The following ANO4 variants were observed in gnomAD, a reference collection of about 807,000 sequenced individuals.
ANO4 encodes anoctamin 4.
In ANO4, 69 loss-of-function variants were observed where a neutral mutation model predicts 141.9. The ratio of observed to expected loss-of-function variants is 0.49; its 90% CI spans 0.40 to 0.59. ANO4 has a LOEUF of 0.59. Among genes scored for constraint, ANO4 ranks in the 20% least tolerant of loss-of-function variants. ANO4 has a pLI of 0.00. For synonymous variants in ANO4, 350 were observed against 394.3 expected (o/e 0.89, Z 1.33); for missense variants, 894 against 1,162.2 (o/e 0.77, Z 3.36).
At chr12:100,946,960 T>C (rs2042751782) in intron 5 of ANO4, among the ~76,000 whole-genome samples, 1 of 152,144 alleles carries the variant, frequency 6.6e-6, no homozygotes, top group Non-Finnish European at 1.5e-5. Context: ...AAGTTAATTA[T>C]TGGATTTAGC....
chr12:101,024,298 A>G (rs971216462), intron 9 of ANO4, among the ~76,000 whole-genome samples: 1 of 152,226 alleles, frequency 6.6e-6, no homozygotes, highest in Non-Finnish European at 1.5e-5. Context: ...ATAAACTTAT[A>G]AAAGTTATCA....
intron 3 of ANO4, among the ~76,000 whole-genome samples, chr12:100,752,710 C>G (rs1219806727): frequency 6.6e-6 from 1 of 152,176 alleles, no homozygotes; most frequent in Non-Finnish European, 1.5e-5. Context: ...GGCAATGAGA[C>G]TGTCTCCCAG....
intron 8 of ANO4, among the ~76,000 whole-genome samples, chr12:101,000,135 A>G: frequency 6.6e-6 from 1 of 152,140 alleles, no homozygotes; most frequent in Middle Eastern, 3.4e-3. Flanking sequence ...CATTATCATT[A>G]TTACCACAAA....
At chr12:100,989,797 GGATA>G (rs1386230934) in intron 8 of ANO4, among the ~76,000 whole-genome samples, 8 of 124,462 alleles carry the variant, frequency 6.4e-5, no homozygotes, top group Non-Finnish European at 1.0e-4. Flanking sequence ...ATGGATGGAT[GGATA>G]GATGGATGGA....
chr12:100,967,871 A>C (rs951127065), intron 5 of ANO4, among the ~76,000 whole-genome samples: 2 of 152,226 alleles, frequency 1.3e-5, no homozygotes, highest in African/African-American at 2.4e-5. Flanking sequence ...GGATTTATTT[A>C]AACTTCAGAA....
intron 5 of ANO4, 120 bp downstream of exon 5, chr12:100,942,655 A>C (rs1411021860): frequency 9.1e-7 from 1 of 1,097,204 alleles, no homozygotes; most frequent in Non-Finnish European, 1.3e-6. Flanking sequence ...AGAGTTTTCC[A>C]GTCTTCAGAG....
At chr12:100,879,873 GA>G (rs1190956616) in intron 1 of ANO4, among the ~76,000 whole-genome samples, 2 of 152,180 alleles carry the variant, frequency 1.3e-5, no homozygotes, top group African/African-American at 4.8e-5. Flanking sequence ...GGTTATAATA[GA>G]AGTATGTAAA....
intron 1 of ANO4, among the ~76,000 whole-genome samples, chr12:100,732,735 T>C (rs1388999378): frequency 6.6e-6 from 1 of 152,206 alleles, no homozygotes. Flanking sequence ...AGATTTGAGC[T>C]CTCTTCTGCC....
chr12:100,754,044 T>C (rs1158638289), intron 3 of ANO4, among the ~76,000 whole-genome samples: 2 of 152,192 alleles, frequency 1.3e-5, no homozygotes, highest in African/African-American at 4.8e-5. Flanking sequence ...GCTGGCACCA[T>C]TATTCAACCA....
intron 5 of ANO4, among the ~76,000 whole-genome samples, chr12:100,959,868 A>G (rs1447129187): frequency 1.3e-5 from 2 of 152,070 alleles, no homozygotes; most frequent in Non-Finnish European, 1.5e-5. Flanking sequence ...GTCCAGTTCC[A>G]TAGCTTTATA....
chr12:100,950,529 G>A (rs2042929033), intron 5 of ANO4, among the ~76,000 whole-genome samples: 1 of 152,142 alleles, frequency 6.6e-6, no homozygotes, highest in Non-Finnish European at 1.5e-5. Flanking sequence ...CAGAACTTGA[G>A]GTGAGAATTC....
intron 1 of ANO4, among the ~76,000 whole-genome samples, chr12:100,883,083 C>T (rs1441371625): frequency 6.6e-6 from 1 of 152,166 alleles, no homozygotes; most frequent in South Asian, 2.1e-4. Context: ...AGCTGCGACA[C>T]AAGTATCTTG....
intron 5 of ANO4, among the ~76,000 whole-genome samples, chr12:100,945,904 C>A (rs2042701715): frequency 6.6e-6 from 1 of 150,702 alleles, no homozygotes; most frequent in Admixed American, 6.6e-5. Context: ...TCAGCAGCAA[C>A]AAATAAAACA....
At chr12:100,912,898 T>C (rs997930083) in intron 2 of ANO4, among the ~76,000 whole-genome samples, 1 of 152,222 alleles carries the variant, frequency 6.6e-6, no homozygotes, top group Non-Finnish European at 1.5e-5. Context: ...GTTAGTGCTG[T>C]GGTTTAGAAA....
chr12:101,002,566 T>C (rs1023614751), intron 8 of ANO4, among the ~76,000 whole-genome samples: 1 of 152,224 alleles, frequency 6.6e-6, no homozygotes, highest in Non-Finnish European at 1.5e-5. Flanking sequence ...ATGACTATTT[T>C]TCCTCTTCCC....
At chr12:100,928,148 A>G (rs565511513) in intron 3 of ANO4, among the ~76,000 whole-genome samples, 2 of 140,662 alleles carry the variant, frequency 1.4e-5, no homozygotes, top group African/African-American at 5.1e-5. Context: ...TCAGAGGAGC[A>G]GATGGCAGGG....
At chr12:100,816,805 T>A (rs563727216) in intron 1 of ANO4, among the ~76,000 whole-genome samples, 1 of 152,056 alleles carries the variant, frequency 6.6e-6, no homozygotes, top group Non-Finnish European at 1.5e-5. Flanking sequence ...AGTTTTGATG[T>A]GTATATTTTT....
intron 1 of ANO4, among the ~76,000 whole-genome samples, chr12:100,811,936 A>G (rs60504663): frequency 0.039 from 5,937 of 152,218 alleles, 393 homozygotes; most frequent in African/African-American, 0.13. Context: ...CCTGTTTTGT[A>G]TAACCTTATA....
intron 1 of ANO4, among the ~76,000 whole-genome samples, chr12:100,865,089 CAT>C (rs1413967470): frequency 1.3e-5 from 2 of 152,156 alleles, no homozygotes; most frequent in African/African-American, 2.4e-5. Context: ...CTGCAATAAA[CAT>C]ATGTGTGCAT....
Sources: allele counts gnomAD v4.1 joint callset (sites outside exome capture counted in the v4.1 genomes callset), GRCh38; gene constraint gnomAD v4.1.1; transcripts MANE v1.5; gene names NCBI Gene and HGNC (gene_info 2026-07-23, HGNC 2026-07-21).